VWA8: variants seen among roughly 807,000 people sequenced by gnomAD.
VWA8 encodes von Willebrand factor A domain containing 8.
Under a neutral mutation model 241.5 loss-of-function variants are expected in VWA8, and 221 were observed. The ratio of observed to expected loss-of-function variants is 0.91; its 90% CI spans 0.82 to 1.02. VWA8 has a LOEUF of 1.02. Among genes scored for constraint, VWA8 ranks in the 50% least tolerant of loss-of-function variants. VWA8 has a pLI of 0.00. For synonymous variants in VWA8, 852 were observed against 827.1 expected (o/e 1.03, Z -0.52); for missense variants, 2,322 against 2,328.7 (o/e 1.00, Z 0.06).
chr13:41,781,961 C>A (rs946888716), intron 19 of VWA8, among the ~76,000 whole-genome samples: 2 of 152,166 alleles, frequency 1.3e-5, no homozygotes, highest in Non-Finnish European at 2.9e-5. Context: ...GATACAGAAG[C>A]ACCTAAATCT....
At chr13:41,813,897 C>T (rs764629574) in intron 16 of VWA8, among the ~76,000 whole-genome samples, 13 of 151,772 alleles carry the variant, frequency 8.6e-5, no homozygotes, top group Admixed American at 2.0e-4. Context: ...AAAAGGGGGG[C>T]GGTGAAGATA....
intron 2 of VWA8, among the ~76,000 whole-genome samples, chr13:41,947,142 T>G (rs1296033294): frequency 6.6e-6 from 1 of 152,230 alleles, no homozygotes; most frequent in Non-Finnish European, 1.5e-5. Context: ...CATTGGGGGT[T>G]GAGCCCAGTC....
chr13:41,663,407 A>T (rs2044965298), intron 37 of VWA8, among the ~76,000 whole-genome samples: 2 of 152,122 alleles, frequency 1.3e-5, no homozygotes, highest in Non-Finnish European at 2.9e-5. Context: ...AGTAATAAGC[A>T]TACACGGTTT....
chr13:41,784,176 C>T (rs1869032469), intron 18 of VWA8, among the ~76,000 whole-genome samples: 1 of 151,002 alleles, frequency 6.6e-6, no homozygotes, highest in African/African-American at 2.4e-5. Flanking sequence ...AACCAGAATA[C>T]AGTCAAGCCA....
At chr13:41,813,966 T>A (rs981282269) in intron 16 of VWA8, among the ~76,000 whole-genome samples, 1 of 151,980 alleles carries the variant, frequency 6.6e-6, no homozygotes, top group African/African-American at 2.4e-5. Flanking sequence ...CTCGAAGGGG[T>A]TGTTCATATT....
intron 17 of VWA8, among the ~76,000 whole-genome samples, chr13:41,793,387 T>C (rs1181728771): frequency 6.6e-6 from 1 of 152,180 alleles, no homozygotes; most frequent in African/African-American, 2.4e-5. Context: ...ATAAGAAAGA[T>C]ATGTTTTAAT....
At chr13:41,638,259 G>T (rs969298000) in intron 37 of VWA8, among the ~76,000 whole-genome samples, 1 of 152,130 alleles carries the variant, frequency 6.6e-6, no homozygotes, top group Non-Finnish European at 1.5e-5. Context: ...ATGCATTAAA[G>T]AATTACTTTA....
chr13:41,639,367 C>T lies in VWA8; in HGVS notation c.4612-24283G>A, dbSNP rs375525383. Among the ~76,000 whole-genome samples the T allele has an allele frequency of 1.6e-4, 25 of 152,256 alleles. No individual in the cohort carries two copies. In the Middle Eastern group the frequency reaches 0.01, roughly 62 times the overall value. ...CACAAGGAAAGCCATTCTGCACATA[C>T]CACCTCCCAGAAGTTGTTCCTGAAT... On this transcript the variant is annotated intron_variant, in intron 37 of 44. Coordinates refer to ENST00000379310, the MANE Select transcript of VWA8 (RefSeq NM_015058.2).
chr13:41,772,979 A>G (rs2045835928), intron 20 of VWA8, among the ~76,000 whole-genome samples: 1 of 152,210 alleles, frequency 6.6e-6, no homozygotes, highest in African/African-American at 2.4e-5. Flanking sequence ...ACATCTCTAG[A>G]TATAATTTCA....
chr13:41,637,934 G>T (rs542128810), intron 37 of VWA8, among the ~76,000 whole-genome samples: 1 of 152,316 alleles, frequency 6.6e-6, no homozygotes, highest in South Asian at 2.1e-4. Flanking sequence ...CAGGTGACTT[G>T]AGTTTTAGTT....
chr13:41,632,146 G>A (rs1290940037), intron 37 of VWA8, among the ~76,000 whole-genome samples: 2 of 152,116 alleles, frequency 1.3e-5, no homozygotes, highest in South Asian at 4.1e-4. Flanking sequence ...CTTTGGTTTT[G>A]GTATATAAAA....
At chr13:41,849,752 T>C (rs1419739210) in intron 12 of VWA8, among the ~76,000 whole-genome samples, 1 of 152,092 alleles carries the variant, frequency 6.6e-6, no homozygotes, top group Admixed American at 6.6e-5. Context: ...CCGGGCACGA[T>C]GGCAGGTGCC....
intron 26 of VWA8, among the ~76,000 whole-genome samples, chr13:41,709,250 C>T (rs1196245861): frequency 6.6e-6 from 1 of 152,152 alleles, no homozygotes; most frequent in Non-Finnish European, 1.5e-5. Flanking sequence ...TTACATATTA[C>T]TCATTTGGAT....
At chr13:41,576,592 C>CTT (rs1246345433) in intron 42 of VWA8, among the ~76,000 whole-genome samples, 1 of 152,180 alleles carries the variant, frequency 6.6e-6, no homozygotes, top group Admixed American at 6.5e-5. Flanking sequence ...ATATGCTGAA[C>CTT]TTGTGTCCTG....
At chr13:41,900,607 A>G (rs1213455745) in intron 4 of VWA8, among the ~76,000 whole-genome samples, 2 of 152,202 alleles carry the variant, frequency 1.3e-5, no homozygotes, top group Admixed American at 6.5e-5. Flanking sequence ...ATTAATCTGG[A>G]TGTCTTTGTC....
intron 41 of VWA8, among the ~76,000 whole-genome samples, chr13:41,589,161 G>A (rs1465836494): frequency 6.6e-6 from 1 of 152,054 alleles, no homozygotes; most frequent in African/African-American, 2.4e-5. Flanking sequence ...AGGAATACAG[G>A]AGATCACAGA....
At chr13:41,708,414 G>A (rs1267540902) in intron 26 of VWA8, among the ~76,000 whole-genome samples, 2 of 152,060 alleles carry the variant, frequency 1.3e-5, no homozygotes, top group Non-Finnish European at 2.9e-5. Context: ...ATTAAAGAGA[G>A]ATAATACAAA....
At chr13:41,691,480 G>T in intron 31 of VWA8, 35 bp from the exon 32 acceptor site, 1 of 1,607,244 alleles carries the variant, frequency 6.2e-7, no homozygotes, top group South Asian at 1.1e-5. Context: ...GAAAGGAAAT[G>T]GTGAGGATAA....
At chr13:41,728,554 T>C (rs767281952) in intron 23 of VWA8, among the ~76,000 whole-genome samples, 4 of 151,986 alleles carry the variant, frequency 2.6e-5, no homozygotes, top group Non-Finnish European at 5.9e-5. Context: ...TCTTTCTTCT[T>C]TTCCATTTCA....
Sources: allele counts gnomAD v4.1 joint callset (sites outside exome capture counted in the v4.1 genomes callset), GRCh38; gene constraint gnomAD v4.1.1; transcripts MANE v1.5; gene names NCBI Gene and HGNC (gene_info 2026-07-23, HGNC 2026-07-21).